DRC8: variants seen among roughly 807,000 people sequenced by gnomAD.
The protein encoded by DRC8 is dynein regulatory complex subunit 8.
At chr1:245,076,885 T>C in the DRC8 span, among the ~76,000 whole-genome samples, 3 of 152,098 alleles carry the variant, frequency 2.0e-5, no homozygotes, top group South Asian at 6.2e-4. Flanking sequence ...CACCACCATG[T>C]CCAGCTAATT....
the DRC8 span, among the ~76,000 whole-genome samples, chr1:245,061,550 T>G: frequency 6.6e-6 from 1 of 152,168 alleles, no homozygotes. Flanking sequence ...ATAAACAGCT[T>G]TGGGTATAAC....
the DRC8 span, among the ~76,000 whole-genome samples, chr1:245,069,258 A>G: frequency 2.0e-5 from 3 of 152,230 alleles, no homozygotes; most frequent in African/African-American, 7.2e-5. Context: ...TGTTATATGT[A>G]TTATTTACTG....
At chr1:245,120,670 A>G in the DRC8 span, among the ~76,000 whole-genome samples, 2 of 152,184 alleles carry the variant, frequency 1.3e-5, no homozygotes, top group Non-Finnish European at 2.9e-5. Flanking sequence ...TGTCTCTTGT[A>G]TACCCAAGCA....
At chr1:245,027,424 C>T in the DRC8 span, among the ~76,000 whole-genome samples, 1 of 152,072 alleles carries the variant, frequency 6.6e-6, no homozygotes, top group Non-Finnish European at 1.5e-5. Flanking sequence ...GAAGGACTTA[C>T]TTTAATTTTA....
At chr1:245,119,170 G>GA in the DRC8 span, among the ~76,000 whole-genome samples, 10 of 152,026 alleles carry the variant, frequency 6.6e-5, no homozygotes, top group Admixed American at 6.5e-4. Flanking sequence ...TAATTAAACA[G>GA]AAAAAAAGAG....
At chr1:245,000,428 T>C in the DRC8 span, among the ~76,000 whole-genome samples, 1 of 152,332 alleles carries the variant, frequency 6.6e-6, no homozygotes, top group East Asian at 1.9e-4. Flanking sequence ...AGTGAAACTG[T>C]GGACAAAGGG....
the DRC8 span, among the ~76,000 whole-genome samples, chr1:245,033,557 A>T: frequency 6.6e-6 from 1 of 152,180 alleles, no homozygotes; most frequent in Non-Finnish European, 1.5e-5. Context: ...TTTGCTCTTT[A>T]TTGAGCACTC....
the DRC8 span, among the ~76,000 whole-genome samples, chr1:245,000,098 C>T: frequency 2.6e-5 from 4 of 152,204 alleles, no homozygotes; most frequent in East Asian, 1.9e-4. Flanking sequence ...GGATTACAGG[C>T]GTGAGCCACC....
the DRC8 span, among the ~76,000 whole-genome samples, chr1:244,972,810 C>T: frequency 6.8e-6 from 1 of 146,142 alleles, no homozygotes; most frequent in East Asian, 2.0e-4. Context: ...AGTAAGACTC[C>T]GTCTCAAAAA....
chr1:245,051,424 C>A, the DRC8 span, among the ~76,000 whole-genome samples: 20 of 151,806 alleles, frequency 1.3e-4, no homozygotes, highest in Non-Finnish European at 1.3e-4. Flanking sequence ...ACAAAACCAT[C>A]GATATTATTT....
the DRC8 span, among the ~76,000 whole-genome samples, chr1:245,041,030 A>T: frequency 6.6e-6 from 1 of 152,260 alleles, no homozygotes; most frequent in Admixed American, 6.5e-5. Flanking sequence ...ATAAAGTAGG[A>T]TAATACATTA....
chr1:245,025,021 T>C, the DRC8 span, among the ~76,000 whole-genome samples: 1 of 152,186 alleles, frequency 6.6e-6, no homozygotes, highest in Admixed American at 6.5e-5. Context: ...ATCTTTTCAC[T>C]CTACTTTTAC....
chr1:244,988,769 C>A, the DRC8 span, among the ~76,000 whole-genome samples: 2 of 152,282 alleles, frequency 1.3e-5, no homozygotes, highest in East Asian at 1.9e-4. Context: ...AACTTCCCTA[C>A]GTTACAAAAA....
chr1:244,970,019 C>G, the DRC8 span: 1 of 561,502 alleles, frequency 1.8e-6, no homozygotes, highest in Non-Finnish European at 3.2e-6. Flanking sequence ...CCACGTCGCA[C>G]AAACAGGACA....
chr1:245,004,302 A>G, the DRC8 span, among the ~76,000 whole-genome samples: 1 of 152,118 alleles, frequency 6.6e-6, no homozygotes. Flanking sequence ...AGTATACAGG[A>G]AACTCTTTAG....
At chr1:245,067,760 G>T in the DRC8 span, among the ~76,000 whole-genome samples, 3 of 152,212 alleles carry the variant, frequency 2.0e-5, no homozygotes, top group Admixed American at 2.0e-4. Flanking sequence ...AGAGCCCTGG[G>T]ACTTTACATC....
chr1:244,974,655 G>GTT, the DRC8 span, among the ~76,000 whole-genome samples: 3 of 149,168 alleles, frequency 2.0e-5, no homozygotes, highest in East Asian at 5.9e-4. Flanking sequence ...TAACGTCTTT[G>GTT]TTTTTTTTTT....
the DRC8 span, among the ~76,000 whole-genome samples, chr1:245,025,907 C>T: frequency 1.3e-5 from 2 of 152,164 alleles, no homozygotes; most frequent in South Asian, 4.1e-4. Flanking sequence ...CTTCGCCTTC[C>T]ACCATGATTG....
the DRC8 span, among the ~76,000 whole-genome samples, chr1:245,099,705 C>T: frequency 1.1e-3 from 163 of 152,268 alleles, no homozygotes; most frequent in African/African-American, 3.6e-3. Context: ...GGTGAGAAGA[C>T]GATGTGAGGA....
Sources: allele counts gnomAD v4.1 joint callset (sites outside exome capture counted in the v4.1 genomes callset), GRCh38; gene constraint gnomAD v4.1.1; transcripts MANE v1.5; gene names NCBI Gene and HGNC (gene_info 2026-07-23, HGNC 2026-07-21).